Variants in SGCD observed in about 807,000 individuals in gnomAD.
SGCD encodes sarcoglycan delta, also known as delta-sarcoglycan.
A neutral mutation model predicts 36.6 loss-of-function variants in SGCD; 18 were observed. The ratio of observed to expected loss-of-function variants is 0.49; its 90% CI spans 0.34 to 0.73. SGCD has a LOEUF of 0.73. Ranked by LOEUF, SGCD falls within the 30% of genes least tolerant of loss-of-function variation. The probability of loss-of-function intolerance (pLI) is 0.01; values close to 1 mark genes in which losing one functional copy is unlikely to be tolerated. For synonymous variants in SGCD, 133 were observed against 130.6 expected (o/e 1.02, Z -0.12); for missense variants, 387 against 346.7 (o/e 1.12, Z -0.92).
chr5:156,691,190 G>A (rs1003217353), intron 7 of SGCD, among the ~76,000 whole-genome samples: 4 of 98,386 alleles, frequency 4.1e-5, no homozygotes, highest in Admixed American at 1.7e-4. Context: ...CTGGGCAACA[G>A]AGCGAGACTC....
At chr5:156,043,014 A>G (rs1480263545) in intron 1 of SGCD, among the ~76,000 whole-genome samples, 1 of 152,186 alleles carries the variant, frequency 6.6e-6, no homozygotes, top group African/African-American at 2.4e-5. Context: ...GTCTCTCAAC[A>G]TTAGCTTGGC....
chr5:155,772,235 A>G, the SGCD span, among the ~76,000 whole-genome samples: 1 of 152,166 alleles, frequency 6.6e-6, no homozygotes, highest in Non-Finnish European at 1.5e-5. Flanking sequence ...GCTGTTTCTC[A>G]GGGGAGGGAT....
chr5:155,934,550 T>G (rs1757161043), intron 1 of SGCD, among the ~76,000 whole-genome samples: 1 of 152,234 alleles, frequency 6.6e-6, no homozygotes, highest in South Asian at 2.1e-4. Context: ...TCTTTGTGTC[T>G]TCTTTTATTT....
At chr5:156,602,875 T>A (rs1761257819) in intron 6 of SGCD, among the ~76,000 whole-genome samples, 2 of 152,172 alleles carry the variant, frequency 1.3e-5, no homozygotes, top group South Asian at 4.1e-4. Context: ...GTATCTATGT[T>A]CGTCAGAGGT....
rs138960132 is a variant in SGCD at position 156,187,610 on chromosome 5, T to C, written c.-44+63591T>C. On this transcript the variant is annotated intron_variant, in intron 3 of 9. Transcript: ENST00000517913. ...AATACTGATAGTACCTGTGGCATGA[T>C]GTATGAGGATTAGGTGTGTTATAAA... 8.8e-4 allele frequency among the ~76,000 whole-genome samples: 127 copies of C among 144,246 alleles called. 1 individual carries two copies. In the Middle Eastern group the frequency reaches 0.018, roughly 20 times the overall value. The allele number at this position is 144,246 out of a possible 152,430, so 94.6% of individuals were successfully genotyped here. A position where few individuals can be genotyped will look rare whatever the true frequency, so the allele number is the denominator to read the frequency against.
intron 6 of SGCD, among the ~76,000 whole-genome samples, chr5:156,629,578 C>T (rs1211515593): frequency 6.6e-6 from 1 of 152,162 alleles, no homozygotes; most frequent in East Asian, 1.9e-4. Flanking sequence ...TAAGGTAGAA[C>T]AGCTAAGAGG....
chr5:156,382,496 A>T (rs1771038525), intron 3 of SGCD, among the ~76,000 whole-genome samples: 1 of 152,212 alleles, frequency 6.6e-6, no homozygotes, highest in African/African-American at 2.4e-5. Flanking sequence ...TAAATTTACT[A>T]AATGTTTCTA....
At chr5:156,040,242 T>A (rs1444228436) in intron 1 of SGCD, among the ~76,000 whole-genome samples, 2 of 152,250 alleles carry the variant, frequency 1.3e-5, no homozygotes, top group Non-Finnish European at 2.9e-5. Context: ...GGGAATTGTA[T>A]GTAGCACTAC....
At chr5:156,602,233 A>G (rs142221697) in intron 6 of SGCD, among the ~76,000 whole-genome samples, 2 of 152,016 alleles carry the variant, frequency 1.3e-5, no homozygotes, top group African/African-American at 4.8e-5. Context: ...CTTTCTTGAT[A>G]TTTTTTCAAA....
chr5:156,453,474 C>A (rs1754115835), intron 3 of SGCD, among the ~76,000 whole-genome samples: 1 of 152,136 alleles, frequency 6.6e-6, no homozygotes, highest in South Asian at 2.1e-4. Context: ...TAGCTGCATT[C>A]ACAATAGCCC....
intron 3 of SGCD, among the ~76,000 whole-genome samples, chr5:156,272,672 A>G (rs972037328): frequency 6.6e-6 from 1 of 152,114 alleles, no homozygotes; most frequent in African/African-American, 2.4e-5. Context: ...GCTAAAAACT[A>G]TATATTTTTC....
intron 1 of SGCD, among the ~76,000 whole-genome samples, chr5:156,063,528 A>G (rs1760287202): frequency 7.9e-6 from 1 of 125,970 alleles, no homozygotes; most frequent in African/African-American, 3.5e-5. Context: ...CTTGGGCAGT[A>G]TGGCCATTTT....
intron 1 of SGCD, among the ~76,000 whole-genome samples, chr5:156,102,333 T>C (rs1027851356): frequency 1.3e-5 from 2 of 152,170 alleles, no homozygotes; most frequent in African/African-American, 4.8e-5. Flanking sequence ...CATCCAGTGA[T>C]GAATTTGCCC....
At position 156,468,226 on chromosome 5, in the gene SGCD, A is replaced by G. The variant is rs185362502; in HGVS notation, c.193-40375A>G. On this transcript the variant is annotated intron_variant, in intron 3 of 8. Coordinates refer to ENST00000337851, the MANE Select transcript of SGCD (RefSeq NM_000337.6). The stretch of plus-strand genomic sequence containing the variant: ...CATGGTGGTGCATGACTATAGTCTC[A>G]GCTACTTGGGAGGCTAAGGTGGGAG... Among the ~76,000 whole-genome samples, 4 of 151,778 alleles carry G rather than the reference A, an allele frequency of 2.6e-5. No individual in the cohort carries two copies. In the East Asian group the frequency reaches 7.8e-4, roughly 30 times the overall value.
intron 6 of SGCD, among the ~76,000 whole-genome samples, chr5:156,643,579 C>A (rs17053714): frequency 0.025 from 3,821 of 151,976 alleles, 100 homozygotes; most frequent in African/African-American, 0.059. Flanking sequence ...TGTAATCCAC[C>A]CAAATGGAGA....
intron 4 of SGCD, among the ~76,000 whole-genome samples, chr5:156,510,723 A>T (rs550073022): frequency 5.3e-5 from 8 of 152,338 alleles, no homozygotes; most frequent in Admixed American, 3.3e-4. Flanking sequence ...ATTAGGAATA[A>T]TTCCATAAAT....
intron 4 of SGCD, among the ~76,000 whole-genome samples, chr5:156,583,515 C>T (rs1176551390): frequency 1.3e-5 from 2 of 152,214 alleles, no homozygotes; most frequent in Admixed American, 1.3e-4. Context: ...TAATCTCCCA[C>T]CTGGCCACTC....
chr5:156,144,361 A>C (rs1046291840), intron 3 of SGCD, among the ~76,000 whole-genome samples: 39 of 152,228 alleles, frequency 2.6e-4, no homozygotes, highest in South Asian at 2.1e-3. Flanking sequence ...CCAACAGTGT[A>C]AAAGTGTTCC....
the SGCD span, among the ~76,000 whole-genome samples, chr5:155,792,520 A>G: frequency 6.6e-6 from 1 of 152,102 alleles, no homozygotes; most frequent in Admixed American, 6.6e-5. Context: ...ATAACAGTCT[A>G]ATATCCAGAA....
Sources: gnomAD v4.1 joint callset for allele counts (sites outside exome capture counted in the v4.1 genomes callset) on GRCh38, gnomAD v4.1.1 for gene constraint, MANE v1.5 for transcripts, NCBI Gene and HGNC (gene_info 2026-07-23, HGNC 2026-07-21) for gene names.